The following SIPA1L3 variants were observed in gnomAD, a reference collection of about 807,000 sequenced individuals.
SIPA1L3 encodes the protein signal-induced proliferation-associated 1-like protein 3.
Under a neutral mutation model 150.1 loss-of-function variants are expected in SIPA1L3, and 59 were observed. That is an observed-to-expected ratio of 0.39 (90% CI 0.32 to 0.49). The LOEUF (loss-of-function observed/expected upper bound fraction) is 0.49, where lower values mean the gene tolerates loss of function less well. Ranked by LOEUF, SIPA1L3 falls within the 20% of genes least tolerant of loss-of-function variation. The probability of loss-of-function intolerance (pLI) is 0.86; values close to 1 mark genes in which losing one functional copy is unlikely to be tolerated. For missense variants in SIPA1L3, 2,211 were observed against 2,489.5 expected, an observed-to-expected ratio of 0.89 and a Z score of 2.38; for synonymous variants, 1,070 against 1,077.6, an observed-to-expected ratio of 0.99 and a Z score of 0.14.
chr19:37,930,212 G>T (rs376925007), intron 1 of SIPA1L3, among the ~76,000 whole-genome samples: 1 of 151,792 alleles, frequency 6.6e-6, no homozygotes, highest in African/African-American at 2.4e-5. Context: ...TAGTAGAGAC[G>T]GGGTTTCACT....
chr19:37,966,328 G>C (rs1409510985), intron 1 of SIPA1L3, among the ~76,000 whole-genome samples: 1 of 152,200 alleles, frequency 6.6e-6, no homozygotes, highest in Non-Finnish European at 1.5e-5. Flanking sequence ...CTCGGGCTCA[G>C]TGAGGGATGC....
intron 2 of SIPA1L3, among the ~76,000 whole-genome samples, chr19:38,060,282 A>C (rs552907482): frequency 2.0e-4 from 31 of 152,246 alleles, no homozygotes; most frequent in African/African-American, 6.3e-4. Context: ...GGTGCATTCT[A>C]GTTTGGAGTT....
In SIPA1L3 at chr19:37,911,250, C is replaced by CAT. The variant is rs1555763102; in HGVS notation, c.-379+3892_-379+3893insAT. ...TATTGATTATGTTTGTATGTATGTG[C>CAT]GTGTGTGTGTGTGTGTGTGTATCGA... is the stretch of plus-strand genomic sequence containing the variant. On this transcript the variant is annotated intron_variant, in intron 1 of 21. Transcript: ENST00000222345. Among the ~76,000 whole-genome samples the CAT allele has an allele frequency of 1.1e-4, 17 of 149,736 alleles. No individual in the cohort carries two copies. The East Asian group carries it at 3.3e-3, about 29-fold the overall frequency.
intron 4 of SIPA1L3, among the ~76,000 whole-genome samples, chr19:38,090,818 T>A (rs1028981628): frequency 1.3e-5 from 2 of 152,190 alleles, no homozygotes; most frequent in Admixed American, 6.5e-5. Context: ...CGGAGTGCCC[T>A]CGCCCCATCC....
rs11359136 is a variant in SIPA1L3, at chr19:37,974,513, CAA to C, written c.-378-54561_-378-54560del. Among the ~76,000 whole-genome samples, 107 of 131,444 alleles carry C rather than the reference CAA, an allele frequency of 8.1e-4. 1 individual carries two copies. The South Asian group carries it at 9.0e-3, about 11-fold the overall frequency. The allele number at this position is 131,444 out of a possible 152,430, so 86.2% of individuals were successfully genotyped here. On this transcript the variant is annotated intron_variant, in intron 1 of 21. Transcript: ENST00000222345. Reference sequence around the variant, plus strand: ...CCTGAACAAGAGTGAGACCGTGTCTCAAAAAAAAAAAAAAAAGTATTGATTCA... The same window carrying C: ...CCTGAACAAGAGTGAGACCGTGTCTCAAAAAAAAAAAAAAGTATTGATTCA...
intron 1 of SIPA1L3, among the ~76,000 whole-genome samples, chr19:37,994,605 G>A (rs936714693): frequency 6.6e-6 from 1 of 152,208 alleles, no homozygotes; most frequent in African/African-American, 2.4e-5. Context: ...GGATGGATGA[G>A]GAAATATACC....
In SIPA1L3 at chr19:38,100,163, C is replaced by T; in HGVS notation, c.1854+13C>T. 6.5e-7 allele frequency: 1 copy of T among 1,538,032 alleles called. No individual in the cohort carries two copies. The highest frequency in any genetic ancestry group is 8.7e-7 in the Non-Finnish European group (1 of 1,143,454). On this transcript the variant is annotated intron_variant, in intron 5 of 21. Coordinates refer to ENST00000222345, the MANE Select transcript of SIPA1L3 (RefSeq NM_015073.3). Reference sequence around the variant, plus strand: ...CGATGAGCAAGGGGTGAGTCAGGGGCTGGAGGTGGGGGTGCTGCTGGGGCA... The same window carrying T: ...CGATGAGCAAGGGGTGAGTCAGGGGTTGGAGGTGGGGGTGCTGCTGGGGCA...
At chr19:37,929,669 C>A (rs918239498) in intron 1 of SIPA1L3, among the ~76,000 whole-genome samples, 1 of 152,146 alleles carries the variant, frequency 6.6e-6, no homozygotes. Context: ...ACTCCCTCCC[C>A]CCTCCTCCTA....
intron 10 of SIPA1L3, among the ~76,000 whole-genome samples, chr19:38,139,470 C>T (rs1447015055): frequency 6.6e-6 from 1 of 152,084 alleles, no homozygotes. Context: ...AGTGATAGTA[C>T]CTTTCCCCAC....
chr19:38,119,993 G>A (rs1242862999), intron 9 of SIPA1L3, 111 bp downstream of exon 9: 4 of 704,204 alleles, frequency 5.7e-6, no homozygotes, highest in Non-Finnish European at 9.2e-6. Context: ...CACTGGCCCG[G>A]AGAGAATCAC....
intron 1 of SIPA1L3, among the ~76,000 whole-genome samples, chr19:38,023,604 T>C (rs569800826): frequency 2.0e-5 from 3 of 152,218 alleles, no homozygotes; most frequent in Non-Finnish European, 2.9e-5. Context: ...AAATGAAGGA[T>C]GATTGAACCA....
intron 12 of SIPA1L3, among the ~76,000 whole-genome samples, chr19:38,144,991 A>C (rs528289836): frequency 3.9e-4 from 59 of 152,150 alleles, no homozygotes; most frequent in South Asian, 2.1e-3. Context: ...AACACAGGAG[A>C]ATCAGAGAGG....
intron 20 of SIPA1L3, among the ~76,000 whole-genome samples, chr19:38,203,079 G>A (rs1973124732): frequency 6.6e-6 from 1 of 152,166 alleles, no homozygotes; most frequent in South Asian, 2.1e-4. Context: ...GTACTTCATG[G>A]GCAGTGGGAG....
At chr19:37,976,666 T>G (rs1967084052) in intron 1 of SIPA1L3, among the ~76,000 whole-genome samples, 1 of 152,150 alleles carries the variant, frequency 6.6e-6, no homozygotes, top group Non-Finnish European at 1.5e-5. Context: ...CATCTCAAGC[T>G]TTCTGTGCAT....
chr19:38,162,028 A>G (rs956828938), intron 13 of SIPA1L3, among the ~76,000 whole-genome samples: 4 of 152,166 alleles, frequency 2.6e-5, no homozygotes, highest in African/African-American at 9.6e-5. Flanking sequence ...GGTGACAGGG[A>G]GAGAGGGAAA....
At chr19:38,189,580 A>G (rs952209249) in intron 16 of SIPA1L3, among the ~76,000 whole-genome samples, 1 of 152,110 alleles carries the variant, frequency 6.6e-6, no homozygotes. Context: ...AGCCTGGCCA[A>G]CGTGGTGAAA....
chr19:38,198,431 A>G lies in SIPA1L3; in HGVS notation c.4883A>G (p.Asp1628Gly). The change falls in exon 19 of 22, where the codon GAC (aspartate) becomes GGC (glycine). Residue 1628 changes from aspartate to glycine, a missense_variant. Asp to Gly is a moderately conservative substitution (Grantham distance 94). Around this residue, in one of 5 missense-constraint regions of SIPA1L3, gnomAD observed 806 missense variants for 870.1 expected, o/e 0.93. Transcript: ENST00000222345. The part of the protein sequence containing the change: ...ASELSLADGR[D>G]RPLRRLDPGL... ...GAGCTCTCGCTGGCTGATGGGCGGG[A>G]CCGCCCCCTGCGGCGCCTGGACCCT... 6.3e-7 allele frequency: 1 copy of G among 1,596,346 alleles called. No individual in the cohort carries two copies. The highest frequency in any genetic ancestry group is 1.1e-5 in the South Asian group (1 of 88,876).
intron 1 of SIPA1L3, among the ~76,000 whole-genome samples, chr19:38,014,073 A>G (rs1164723062): frequency 2.0e-5 from 3 of 152,246 alleles, no homozygotes; most frequent in Non-Finnish European, 2.9e-5. Flanking sequence ...AGACCTTGCC[A>G]GGATCCTTAC....
intron 1 of SIPA1L3, among the ~76,000 whole-genome samples, chr19:37,966,997 A>G (rs989447280): frequency 2.6e-5 from 4 of 152,092 alleles, no homozygotes; most frequent in Admixed American, 2.0e-4. Flanking sequence ...AAAGTACCAC[A>G]CCCCGGTAGC....
Sources: allele counts gnomAD v4.1 joint callset (sites outside exome capture counted in the v4.1 genomes callset), GRCh38; gene constraint gnomAD v4.1.1; regional missense constraint gnomAD v4.1.1; transcripts MANE v1.5; gene names NCBI Gene and HGNC (gene_info 2026-07-23, HGNC 2026-07-21).